GIGYF2: variants seen among roughly 807,000 people sequenced by gnomAD.
The protein encoded by GIGYF2 is GRB10 interacting GYF protein 2, also known as GRB10-interacting GYF protein 2.
Under a neutral mutation model 208.1 loss-of-function variants are expected in GIGYF2, and 25 were observed. That is an observed-to-expected ratio of 0.12 (90% CI 0.09 to 0.17). The LOEUF is 0.17. Ranked by LOEUF, GIGYF2 falls within the 10% of genes least tolerant of loss-of-function variation. The pLI is 1.00. For missense variants in GIGYF2, 1,302 were observed against 1,579.4 expected, an observed-to-expected ratio of 0.82 and a Z score of 2.98; for synonymous variants, 534 against 543.8, an observed-to-expected ratio of 0.98 and a Z score of 0.25.
At position 232,806,681 on chromosome 2, in the gene GIGYF2, G is replaced by T; in HGVS notation, c.1806+24G>T. 1 of 1,525,910 alleles carries T rather than the reference G, an allele frequency of 6.6e-7. No homozygotes were observed. The highest frequency in any genetic ancestry group is 1.1e-5 in the South Asian group (1 of 89,250). 94.5% of individuals were successfully genotyped at this position (1,525,910 alleles called of 1,614,324 possible). ...TGGTAAGTACCTTTCACCTCACCTG[G>T]AATACATATTAGTCACGGAAACACT... is the stretch of plus-strand genomic sequence containing the variant. On this transcript the variant is annotated intron_variant, in intron 15 of 28. Transcript: ENST00000373563. The surrounding 1 kb of genome is among the most constrained non-coding windows in gnomAD (Gnocchi z 4.0).
intron 14 of GIGYF2, 147 bp downstream of exon 14, chr2:232,796,368 T>C (rs1290671272): frequency 6.0e-6 from 4 of 664,048 alleles, no homozygotes. Context: ...GAAGTGTTTC[T>C]GATTTCAGAT....
At chr2:232,736,262 C>G in intron 3 of GIGYF2, 1 of 663,226 alleles carries the variant, frequency 1.5e-6, no homozygotes, top group East Asian at 1.4e-4. Context: ...TTTAGTTATT[C>G]CTTTATATTT....
intron 8 of GIGYF2, among the ~76,000 whole-genome samples, chr2:232,772,011 G>T (rs1056779093): frequency 6.6e-6 from 1 of 152,132 alleles, no homozygotes; most frequent in South Asian, 2.1e-4. Context: ...TAGAGACAGG[G>T]TCTTGCTCTG....
chr2:232,786,449 G>C (rs767892744), intron 8 of GIGYF2, among the ~76,000 whole-genome samples: 26 of 152,114 alleles, frequency 1.7e-4, no homozygotes, highest in Non-Finnish European at 1.9e-4. Flanking sequence ...CATTGGCCAG[G>C]CTGGTCTCCC....
chr2:232,859,130 T>C lies in GIGYF2; in HGVS notation c.*2270T>C, dbSNP rs1333503312. On this transcript the variant is annotated 3_prime_UTR_variant, in exon 29 of 29. Transcript: ENST00000373563. ...AGAAACACTCTTCCCTGGGAATGTT[T>C]GTTTCTGTCTCTCTCAATGCTACTC... The C allele has an allele frequency of 6.6e-6, 1 of 152,368 alleles. No homozygotes were observed. Among genetic ancestry groups the C allele is most frequent in the Non-Finnish European group, 1.5e-5 (1 of 68,162 alleles). The allele number at this position is 152,368 out of a possible 1,614,324, so 9.4% of individuals were successfully genotyped here.
chr2:232,755,149 A>G (rs934647354), intron 5 of GIGYF2, among the ~76,000 whole-genome samples: 11 of 152,098 alleles, frequency 7.2e-5, no homozygotes, highest in Admixed American at 1.3e-4. Context: ...GTTGAATTGC[A>G]GGATTCTTTT....
Position 232,819,829 on chromosome 2 carries a change from A to T in GIGYF2, c.2373A>T (p.Glu791Asp). Residue 791 changes from glutamate to aspartate, a missense_variant and splice_region_variant, in exon 21 of 29, where the codon GAA becomes GAT. By Grantham distance (45) the Glu-to-Asp change is conservative. Around this residue, in one of 8 missense-constraint regions of GIGYF2, gnomAD observed 701 missense variants for 793.0 expected, o/e 0.88. Coordinates refer to ENST00000373563, the MANE Select transcript of GIGYF2 (RefSeq NM_001103146.3). ...CACCCTCCATCTTTTTTCCTTAGGA[A>T]GAGGCTCTGCGTCGCCAGCGGGAGC... ...EEEELARRKQ[E>D]EALRRQREQE... 1 of 1,172,100 alleles carries T rather than the reference A, an allele frequency of 8.5e-7. No homozygotes were observed. 72.6% of individuals were successfully genotyped at this position (1,172,100 alleles called of 1,614,324 possible). A position where few individuals can be genotyped will look rare whatever the true frequency, so the allele number is the denominator to read the frequency against.
At chr2:232,739,968 A>T (rs1697910097) in intron 3 of GIGYF2, among the ~76,000 whole-genome samples, 1 of 150,536 alleles carries the variant, frequency 6.6e-6, no homozygotes, top group Non-Finnish European at 1.5e-5. Flanking sequence ...AATTACAAAA[A>T]TTAGCTGGGC....
rs1701378800 is a variant in GIGYF2 at position 232,830,013 on chromosome 2, T to C, written c.2530-2844T>C. ...TTTATTTTTATTGACAGTGTCCCAC[T>C]CTGTCGCCCAGGCTGGAGTGCAGTG... On this transcript the variant is annotated intron_variant, in intron 21 of 28. Coordinates refer to ENST00000373563, the MANE Select transcript of GIGYF2 (RefSeq NM_001103146.3). Among the ~76,000 whole-genome samples the C allele has an allele frequency of 2.6e-5, 4 of 152,162 alleles. No homozygotes were observed. The South Asian group carries it at 8.3e-4, about 32-fold the overall frequency.
intron 21 of GIGYF2, among the ~76,000 whole-genome samples, chr2:232,822,106 A>T (rs930314935): frequency 2.4e-4 from 36 of 152,188 alleles, no homozygotes; most frequent in African/African-American, 8.2e-4. Flanking sequence ...CTTGACTAAG[A>T]TCTTTTGCCT....
At chr2:232,749,654 T>C (rs567615920) in intron 5 of GIGYF2, among the ~76,000 whole-genome samples, 2 of 152,308 alleles carry the variant, frequency 1.3e-5, no homozygotes, top group South Asian at 2.1e-4. Flanking sequence ...AAGGAACTTA[T>C]GATAACTGTA....
chr2:232,843,562 C>CAAA (rs577833427), intron 23 of GIGYF2, among the ~76,000 whole-genome samples: 2 of 91,554 alleles, frequency 2.2e-5, no homozygotes, highest in African/African-American at 4.4e-5. Context: ...GACCCTGTCT[C>CAAA]AAAAAAAAAA....
At chr2:232,762,756 C>T (rs73102244) in intron 8 of GIGYF2, among the ~76,000 whole-genome samples, 16,620 of 151,930 alleles carry the variant, frequency 0.11, 1,246 homozygotes, top group East Asian at 0.2. Context: ...TAATGAAAAC[C>T]GTTAAGGCCA....
intron 1 of GIGYF2, among the ~76,000 whole-genome samples, chr2:232,699,826 C>T (rs1156380903): frequency 2.0e-5 from 3 of 152,182 alleles, no homozygotes; most frequent in African/African-American, 7.2e-5. Context: ...CTGTCCAGCC[C>T]GGAGACTCTT....
chr2:232,837,218 C>T (rs997607746), intron 22 of GIGYF2, among the ~76,000 whole-genome samples: 5 of 152,172 alleles, frequency 3.3e-5, no homozygotes, highest in Non-Finnish European at 7.3e-5. Context: ...GTGAGACACA[C>T]CGATGTGCTT....
At chr2:232,700,527 C>G (rs947386533) in intron 1 of GIGYF2, 1 of 152,152 alleles carries the variant, frequency 6.6e-6, no homozygotes, top group Admixed American at 6.5e-5. Flanking sequence ...TTGCAGTTCT[C>G]CATTAGCTCC....
At chr2:232,788,316 T>A (rs1278752665) in intron 9 of GIGYF2, 1 of 175,930 alleles carries the variant, frequency 5.7e-6, no homozygotes, top group East Asian at 1.6e-4. Context: ...TGGGTAGAGT[T>A]AGGATGGTTT....
At chr2:232,745,611 A>G (rs1258812741) in intron 3 of GIGYF2, among the ~76,000 whole-genome samples, 1 of 152,252 alleles carries the variant, frequency 6.6e-6, no homozygotes, top group Non-Finnish European at 1.5e-5. Context: ...TCTTGTATTA[A>G]GCAGTATTAT....
chr2:232,847,101 A>G (rs1374443653), intron 26 of GIGYF2, among the ~76,000 whole-genome samples: 3 of 152,234 alleles, frequency 2.0e-5, no homozygotes, highest in Non-Finnish European at 4.4e-5. Flanking sequence ...TTAGTCAAGT[A>G]ACTGTTTCAG....
Sources: allele counts gnomAD v4.1 joint callset (sites outside exome capture counted in the v4.1 genomes callset), GRCh38; gene constraint gnomAD v4.1.1; regional missense constraint gnomAD v4.1.1; non-coding constraint Gnocchi (gnomAD v3.1); transcripts MANE v1.5; gene names NCBI Gene and HGNC (gene_info 2026-07-23, HGNC 2026-07-21).